Variants in SLC10A7 observed in about 807,000 individuals in gnomAD.
SLC10A7 encodes solute carrier family 10 member 7.
A neutral mutation model predicts 43.2 loss-of-function variants in SLC10A7; 29 were observed. The observed-to-expected ratio is 0.67, with a 90% CI of 0.50 to 0.92. The LOEUF is 0.92. Among genes scored for constraint, SLC10A7 ranks in the 40% least tolerant of loss-of-function variants. SLC10A7 has a pLI of 0.00. For synonymous variants in SLC10A7, 152 were observed against 144.8 expected, an observed-to-expected ratio of 1.05 and a Z score of -0.35; for missense variants, 295 against 403.2, an observed-to-expected ratio of 0.73 and a Z score of 2.30.
chr4:146,344,035 TA>T (rs1734445035), intron 5 of SLC10A7, among the ~76,000 whole-genome samples: 1 of 151,986 alleles, frequency 6.6e-6, no homozygotes, highest in Non-Finnish European at 1.5e-5. Context: ...GAAAATAAGA[TA>T]AAATCATGTC....
At chr4:146,411,346 A>G (rs539039692) in intron 5 of SLC10A7, among the ~76,000 whole-genome samples, 6 of 152,358 alleles carry the variant, frequency 3.9e-5, no homozygotes, top group Admixed American at 2.0e-4. Flanking sequence ...AAATAATTCC[A>G]GGAATTGTGA....
intron 5 of SLC10A7, among the ~76,000 whole-genome samples, chr4:146,333,680 T>C (rs758017996): frequency 6.6e-6 from 1 of 151,932 alleles, no homozygotes; most frequent in Non-Finnish European, 1.5e-5. Flanking sequence ...AAAAGACAGA[T>C]GAATCAGAAA....
intron 4 of SLC10A7, among the ~76,000 whole-genome samples, chr4:146,500,454 T>C (rs1474313945): frequency 3.3e-5 from 5 of 152,116 alleles, no homozygotes; most frequent in Admixed American, 3.3e-4. Context: ...AGTATACCCC[T>C]TCTACCCAGC....
At chr4:146,365,076 GATCAAAGT>G (rs1736302449) in intron 5 of SLC10A7, among the ~76,000 whole-genome samples, 1 of 151,932 alleles carries the variant, frequency 6.6e-6, no homozygotes, top group Admixed American at 6.6e-5. Context: ...TCCATGAACT[GATCAAAGT>G]ATCAAAGAAA....
intron 5 of SLC10A7, among the ~76,000 whole-genome samples, chr4:146,396,073 G>A (rs1023722690): frequency 2.0e-5 from 3 of 151,962 alleles, no homozygotes; most frequent in African/African-American, 7.3e-5. Flanking sequence ...TCTTCTCTCT[G>A]GCTCAGACAT....
intron 5 of SLC10A7, among the ~76,000 whole-genome samples, chr4:146,361,079 A>C (rs530944464): frequency 2.0e-4 from 31 of 152,218 alleles, no homozygotes; most frequent in Middle Eastern, 6.8e-3. Context: ...TAAAGTCTTT[A>C]ACATATACTC....
At chr4:146,466,052 G>A (rs1206674344) in intron 4 of SLC10A7, among the ~76,000 whole-genome samples, 2 of 152,060 alleles carry the variant, frequency 1.3e-5, no homozygotes, top group African/African-American at 2.4e-5. Flanking sequence ...AGAAAAAAAA[G>A]TGGATGCTTT....
rs199944076 is a variant in SLC10A7 at position 146,475,788 on chromosome 4, T to G, written c.396+28061A>C. Among the ~76,000 whole-genome samples, 6 of 152,308 alleles carry G rather than the reference T, an allele frequency of 3.9e-5. No individual in the cohort carries two copies. In the East Asian group the frequency reaches 1.2e-3, roughly 29 times the overall value. On this transcript the variant is annotated intron_variant, in intron 4 of 11. Coordinates refer to ENST00000335472, the MANE Select transcript of SLC10A7 (RefSeq NM_001029998.6). ...TCAATCCATCACGAACTAAAAAGAT[T>G]TTAAGACTGTATACACAACCTTGAA...
At chr4:146,456,141 A>G (rs934924115) in intron 4 of SLC10A7, among the ~76,000 whole-genome samples, 2 of 151,970 alleles carry the variant, frequency 1.3e-5, no homozygotes, top group Non-Finnish European at 2.9e-5. Flanking sequence ...CAAATTAAAT[A>G]CAGAACAAGC....
intron 5 of SLC10A7, among the ~76,000 whole-genome samples, chr4:146,360,645 C>T (rs1421633575): frequency 6.6e-6 from 1 of 151,922 alleles, no homozygotes; most frequent in African/African-American, 2.4e-5. Flanking sequence ...TTAGTAGAGA[C>T]AAGGTCTTGC....
At chr4:146,506,807 C>T (rs1736953633) in intron 3 of SLC10A7, among the ~76,000 whole-genome samples, 1 of 151,780 alleles carries the variant, frequency 6.6e-6, no homozygotes, top group Non-Finnish European at 1.5e-5. Context: ...TCTTTTCAAT[C>T]TTATTTTCAA....
At position 146,383,229 on chromosome 4, in the gene SLC10A7, C is replaced by T. The variant is rs144118152; in HGVS notation, c.436-57233G>A. Among the ~76,000 whole-genome samples, 1,209 of 152,170 alleles carry T rather than the reference C, an allele frequency of 7.9e-3. 11 individuals carry two copies. Among genetic ancestry groups the T allele is most frequent in the African/African-American group, 0.028 (1,170 of 41,534 alleles). On this transcript the variant is annotated intron_variant, in intron 5 of 11. Transcript: ENST00000335472. The stretch of plus-strand genomic sequence containing the variant: ...TGATTATTTTGATTCAAGTAGTACT[C>T]TGTATATAAGAACTTAGTGAATTCT...
chr4:146,491,506 G>A (rs893813823), intron 4 of SLC10A7, among the ~76,000 whole-genome samples: 1 of 151,840 alleles, frequency 6.6e-6, no homozygotes, highest in East Asian at 1.9e-4. Context: ...TGGAGAGAAG[G>A]AAAAGGAAGA....
chr4:146,371,366 T>G (rs896869599), intron 5 of SLC10A7, among the ~76,000 whole-genome samples: 2 of 149,746 alleles, frequency 1.3e-5, no homozygotes, highest in Non-Finnish European at 3.0e-5. Flanking sequence ...GTTTGCTTTC[T>G]TCCTTGTATA....
At chr4:146,315,056 A>G (rs868412224) in intron 6 of SLC10A7, among the ~76,000 whole-genome samples, 2 of 152,122 alleles carry the variant, frequency 1.3e-5, no homozygotes, top group African/African-American at 4.8e-5. Flanking sequence ...TCTTAGAGTA[A>G]GCAAGATGTA....
intron 6 of SLC10A7, among the ~76,000 whole-genome samples, chr4:146,310,004 T>C (rs1324272945): frequency 6.6e-6 from 1 of 152,100 alleles, no homozygotes; most frequent in Non-Finnish European, 1.5e-5. Flanking sequence ...CCAGTGTCTC[T>C]TGTTGCCATC....
rs191250982 is a variant in SLC10A7 at position 146,357,182 on chromosome 4, T to C, written c.436-31186A>G. Among the ~76,000 whole-genome samples the C allele has an allele frequency of 2.6e-5, 4 of 152,354 alleles. No homozygotes were observed. In the East Asian group the frequency reaches 5.8e-4, roughly 22 times the overall value. ...ATGTGCATGTGTACATTTGCACATG[T>C]ATATTTCTGTATGTGCATAATTCAT... is the stretch of plus-strand genomic sequence containing the variant. On this transcript the variant is annotated intron_variant, in intron 5 of 11. Transcript: ENST00000335472.
intron 5 of SLC10A7, among the ~76,000 whole-genome samples, chr4:146,351,092 G>A (rs2149743873): frequency 6.6e-6 from 1 of 151,546 alleles, no homozygotes; most frequent in South Asian, 2.1e-4. Context: ...CTGAGCTACA[G>A]GAGGACATTC....
At chr4:146,316,910 T>C (rs1295708037) in intron 6 of SLC10A7, among the ~76,000 whole-genome samples, 1 of 152,136 alleles carries the variant, frequency 6.6e-6, no homozygotes, top group East Asian at 1.9e-4. Flanking sequence ...TAACATTTGC[T>C]TGGCTCTTTA....
Sources: gnomAD v4.1 joint callset for allele counts (sites outside exome capture counted in the v4.1 genomes callset) on GRCh38, gnomAD v4.1.1 for gene constraint, MANE v1.5 for transcripts, NCBI Gene and HGNC (gene_info 2026-07-23, HGNC 2026-07-21) for gene names.